Variants in SHISA4 observed in about 807,000 individuals in gnomAD.
SHISA4 encodes the protein protein shisa-4.
In SHISA4, 16 loss-of-function variants were observed where a neutral mutation model predicts 24.2. That is an observed-to-expected ratio of 0.66 (90% CI 0.45 to 1.00). SHISA4 has a LOEUF of 1.00. Among genes scored for constraint, SHISA4 ranks in the 50% least tolerant of loss-of-function variants. SHISA4 has a pLI of 0.00. For synonymous variants in SHISA4, 106 were observed against 105.4 expected, an observed-to-expected ratio of 1.01 and a Z score of -0.04; for missense variants, 238 against 258.9, an observed-to-expected ratio of 0.92 and a Z score of 0.55.
chr1:201,891,431 T>C lies in SHISA4; in HGVS notation c.410T>C (p.Val137Ala), dbSNP rs548666489. The change falls in exon 4 of 5, where the codon GTG becomes GCG. Residue 137 changes from valine to alanine, a missense_variant. Physicochemically the swap from Val to Ala is moderately conservative, Grantham distance 64. Coordinates refer to ENST00000362011, the MANE Select transcript of SHISA4 (RefSeq NM_198149.3). ...GQEIPMTGIPVQPVYPYPQDP... is the reference protein window; with the variant it reads ...GQEIPMTGIPAQPVYPYPQDP... ...GAGATTCCAATGACAGGCATCCCAG[T>C]GCAGCCAGTATACCCATACCCCCAG... 5 of 1,613,898 alleles carry C rather than the reference T, an allele frequency of 3.1e-6. No homozygotes were observed. The South Asian group carries it at 4.4e-5, about 14-fold the overall frequency.
At chr1:201,889,274 T>C in intron 1 of SHISA4, 171 bp from the exon 2 acceptor site, 1 of 1,006,292 alleles carries the variant, frequency 9.9e-7, no homozygotes, top group Non-Finnish European at 1.4e-6. Flanking sequence ...AGGGTCAGCT[T>C]CAGGCAGAGG....
chr1:201,892,186 T>G lies in SHISA4; in HGVS notation c.*340T>G. On this transcript the variant is annotated 3_prime_UTR_variant, in exon 5 of 5. Coordinates refer to ENST00000362011, the MANE Select transcript of SHISA4 (RefSeq NM_198149.3). ...GGCTGGGGCCCTACTGTTTGTCCCC[T>G]CTGGGCTGGGGTGGGGGGAGGGAGG... is the stretch of plus-strand genomic sequence containing the variant. 7 of 202,544 alleles carry G rather than the reference T, an allele frequency of 3.5e-5. No individual in the cohort carries two copies. The highest frequency in any genetic ancestry group is 1.5e-4 in the East Asian group (1 of 6,858). The allele number at this position is 202,544 out of a possible 1,614,324, so 12.5% of individuals were successfully genotyped here.
rs1188593495 is a variant in SHISA4, at chr1:201,889,017, G to A, written c.23G>A (p.Arg8Gln). The A allele has an allele frequency of 2.2e-6, 3 of 1,379,692 alleles. No individual in the cohort carries two copies. The highest frequency in any genetic ancestry group is 3.6e-5 in the South Asian group (2 of 55,534). The allele number at this position is 1,379,692 out of a possible 1,614,324, so 85.5% of individuals were successfully genotyped here. A position where few individuals can be genotyped will look rare whatever the true frequency, so the allele number is the denominator to read the frequency against. MPPAGLR[R>Q]AAPLTAIALL... is the part of the protein sequence containing the mutation. The stretch of plus-strand genomic sequence containing the variant: ...ACCATGCCACCCGCGGGGCTCCGCC[G>A]GGCCGCGCCGCTCACCGCAATCGCT... Residue 8 changes from arginine (R) to glutamine (Q), a missense_variant, in exon 1 of 5, where the codon CGG (arginine) becomes CAG (glutamine). By Grantham distance (43) the Arg-to-Gln change is conservative. Coordinates refer to ENST00000362011, the MANE Select transcript of SHISA4 (RefSeq NM_198149.3).
chr1:201,890,369 C>G (rs1681070412), intron 2 of SHISA4, 85 bp from the exon 3 acceptor site: 1 of 1,543,556 alleles, frequency 6.5e-7, no homozygotes, highest in Admixed American at 1.9e-5. Context: ...CATGGCCCCC[C>G]TGCTGGCCAG....
At chr1:201,890,714 G>A in intron 3 of SHISA4, 127 bp downstream of exon 3, 2 of 1,284,808 alleles carry the variant, frequency 1.6e-6, no homozygotes, top group Middle Eastern at 2.1e-4. Context: ...ACACCTGCCA[G>A]CATGAAAACC....
At chr1:201,889,929 GT>G (rs1681061934) in intron 2 of SHISA4, among the ~76,000 whole-genome samples, 1 of 152,180 alleles carries the variant, frequency 6.6e-6, no homozygotes, top group South Asian at 2.1e-4. Flanking sequence ...CCGGACGACA[GT>G]GTAGCTTTGT....
chr1:201,892,067 C>T lies in SHISA4; in HGVS notation c.*221C>T. On this transcript the variant is annotated 3_prime_UTR_variant, in exon 5 of 5. Transcript: ENST00000362011. ...TGGGGGGAGGGCTTGGAATTATGGG[C>T]TATTTTTACTGGGGGCAAGGGAGGG... The T allele has an allele frequency of 7.0e-6, 4 of 574,280 alleles. No individual in the cohort carries two copies. The South Asian group carries it at 8.2e-5, about 12-fold the overall frequency. The allele number at this position is 574,280 out of a possible 1,614,324, so 35.6% of individuals were successfully genotyped here.
rs773137841 is a variant in SHISA4 at position 201,891,455 on chromosome 1, A to G, written c.434A>G (p.Gln145Arg). 56 of 1,613,752 alleles carry G rather than the reference A, an allele frequency of 3.5e-5. 1 individual carries two copies. The South Asian group carries it at 4.4e-4, about 13-fold the overall frequency. ...GTGCAGCCAGTATACCCATACCCCC[A>G]GGACCCCAAAGCTGGCCCTGCACCC... is the stretch of plus-strand genomic sequence containing the variant. Reference protein sequence around the residue: ...IPVQPVYPYPQDPKAGPAPPQ... With the variant: ...IPVQPVYPYPRDPKAGPAPPQ... Residue 145 changes from glutamine to arginine, a missense_variant, in exon 4 of 5, where the codon CAG becomes CGG. By Grantham distance (43) the Gln-to-Arg change is conservative. Transcript: ENST00000362011.
rs917798074 is a variant in SHISA4 at position 201,888,911 on chromosome 1, G to T, written c.-84G>T. Reference sequence around the variant, plus strand: ...GAGCCCGAGCCTGGCCGCGGGCTGGGCCCCGCCGCAGCTCCAGCTGGCCGG... The same window carrying T: ...GAGCCCGAGCCTGGCCGCGGGCTGGTCCCCGCCGCAGCTCCAGCTGGCCGG... On this transcript the variant is annotated 5_prime_UTR_variant, in exon 1 of 5. Coordinates refer to ENST00000362011, the MANE Select transcript of SHISA4 (RefSeq NM_198149.3). 1.3e-5 allele frequency: 13 copies of T among 973,350 alleles called. No homozygotes were observed. Among genetic ancestry groups the T allele is most frequent in the African/African-American group, 1.2e-4 (7 of 58,472 alleles). The allele number at this position is 973,350 out of a possible 1,614,324, so 60.3% of individuals were successfully genotyped here. A position where few individuals can be genotyped will look rare whatever the true frequency, so the allele number is the denominator to read the frequency against.
intron 1 of SHISA4, 47 bp downstream of exon 1, chr1:201,889,114 G>T (rs1448557126): frequency 4.4e-6 from 6 of 1,368,206 alleles, no homozygotes; most frequent in Non-Finnish European, 4.8e-6. Flanking sequence ...GGGGGCGGAG[G>T]AAGGGGAGGG....
In SHISA4 at chr1:201,891,383, T is replaced by C; in HGVS notation, c.380-18T>C. 42 of 1,613,784 alleles carry C rather than the reference T, an allele frequency of 2.6e-5. No individual in the cohort carries two copies. Among genetic ancestry groups the C allele is most frequent in the Non-Finnish European group, 3.6e-5 (42 of 1,179,836 alleles). On this transcript the variant is annotated intron_variant, in intron 3 of 4. Coordinates refer to ENST00000362011, the MANE Select transcript of SHISA4 (RefSeq NM_198149.3). ...TAGGAGATGGGTCTCTGAATGCTGA[T>C]CCTTCTCCCCCATCTAGGCCAGGAG... is the stretch of plus-strand genomic sequence containing the variant.
chr1:201,889,109 C>T (rs1681042326), intron 1 of SHISA4, 42 bp downstream of exon 1: 4 of 1,363,858 alleles, frequency 2.9e-6, no homozygotes, highest in Middle Eastern at 2.0e-4. Context: ...GGGATGGGGG[C>T]GGAGGAAGGG....
intron 3 of SHISA4, 100 bp from the exon 4 acceptor site, chr1:201,891,301 G>C (rs1681092643): frequency 6.9e-7 from 1 of 1,444,822 alleles, no homozygotes; most frequent in Non-Finnish European, 9.7e-7. Context: ...GAGCTTGCCA[G>C]AGGCCAGCAC....
Position 201,892,116 on chromosome 1 carries a change from C to G in SHISA4, c.*270C>G, listed in dbSNP as rs554711117. 28 of 465,486 alleles carry G rather than the reference C, an allele frequency of 6.0e-5. 2 individuals are homozygous for G. In the South Asian group the frequency reaches 6.1e-4, roughly 10 times the overall value. 28.8% of individuals were successfully genotyped at this position (465,486 alleles called of 1,614,324 possible). ...GGAGATGACAGCCTGGGTCACAGTG[C>G]CTGTTTTCAAATAGTCCCTCTGCTC... is the stretch of plus-strand genomic sequence containing the variant. On this transcript the variant is annotated 3_prime_UTR_variant, in exon 5 of 5. Coordinates refer to ENST00000362011, the MANE Select transcript of SHISA4 (RefSeq NM_198149.3).
Position 201,890,529 on chromosome 1 carries a change from C to T in SHISA4, c.321C>T (p.Phe107=), listed in dbSNP as rs1170356709. 1 of 1,614,136 alleles carries T rather than the reference C, an allele frequency of 6.2e-7. No individual in the cohort carries two copies. Among genetic ancestry groups the T allele is most frequent in the African/African-American group, 1.3e-5 (1 of 74,946 alleles). ...TGGTTGCCACCACCATCTGCTGCTT[C>T]CTCTGTTCCTGTTGCTACCTGTACC... The part of the protein sequence containing the change: ...VAVVATTICC[F]LCSCCYLYRR... The change falls in exon 3 of 5, where the codon TTC becomes TTT. Residue 107 remains phenylalanine (F), a synonymous_variant. Coordinates refer to ENST00000362011, the MANE Select transcript of SHISA4 (RefSeq NM_198149.3).
In SHISA4 at chr1:201,888,965, GC is replaced by G; in HGVS notation, c.-27del. 1.5e-6 allele frequency: 2 copies of G among 1,371,778 alleles called. No homozygotes were observed. Among genetic ancestry groups the G allele is most frequent in the Non-Finnish European group, 9.4e-7 (1 of 1,059,036 alleles). 85.0% of individuals were successfully genotyped at this position (1,371,778 alleles called of 1,614,324 possible). Reference sequence around the variant, plus strand: ...GGTCCTGCGGTCCCTTCTCTGGGAGGCCCGACCCCGGCCGCGCCCAGCCCCC... The same window carrying G: ...GGTCCTGCGGTCCCTTCTCTGGGAGGCCGACCCCGGCCGCGCCCAGCCCCC... On this transcript the variant is annotated 5_prime_UTR_variant, in exon 1 of 5. Transcript: ENST00000362011.
chr1:201,889,274 T>A lies in SHISA4; in HGVS notation c.74-171T>A. 6 of 1,006,292 alleles carry A rather than the reference T, an allele frequency of 6.0e-6. No homozygotes were observed. In the South Asian group the frequency reaches 8.1e-5, roughly 14 times the overall value. 62.3% of individuals were successfully genotyped at this position (1,006,292 alleles called of 1,614,324 possible). A position where few individuals can be genotyped will look rare whatever the true frequency, so the allele number is the denominator to read the frequency against. On this transcript the variant is annotated intron_variant, in intron 1 of 4. Coordinates refer to ENST00000362011, the MANE Select transcript of SHISA4 (RefSeq NM_198149.3). ...CTGATCCCGGGGTGCAGGGTCAGCT[T>A]CAGGCAGAGGCCTCGGGGGCTCTGG...
At chr1:201,888,844 C>A (rs1016382668), upstream of SHISA4, 1 of 433,018 alleles carries the variant, frequency 2.3e-6, no homozygotes, top group Non-Finnish European at 3.8e-6. Context: ...TGGGTTAGCG[C>A]GGGCGGGGCG....
At chr1:201,889,255 C>T in intron 1 of SHISA4, 188 bp downstream of exon 1, 1 of 940,728 alleles carries the variant, frequency 1.1e-6, no homozygotes, top group South Asian at 1.7e-5. Context: ...GAGGCTGATC[C>T]CGGGGTGCAG....
Sources: gnomAD v4.1 joint callset for allele counts (sites outside exome capture counted in the v4.1 genomes callset) on GRCh38, gnomAD v4.1.1 for gene constraint, MANE v1.5 for transcripts, NCBI Gene and HGNC (gene_info 2026-07-23, HGNC 2026-07-21) for gene names.